GRAMD2B: variants seen among roughly 807,000 people sequenced by gnomAD.
GRAMD2B encodes GRAM domain-containing protein 2B.
A neutral mutation model predicts 59.2 loss-of-function variants in GRAMD2B; 41 were observed. The ratio of observed to expected loss-of-function variants is 0.69; its 90% CI spans 0.54 to 0.90. The LOEUF is 0.90. GRAMD2B is among the 40% of genes least tolerant of loss of function. GRAMD2B has a pLI of 0.00. For missense variants in GRAMD2B, 424 were observed against 500.5 expected (o/e 0.85, Z 1.46); for synonymous variants, 161 against 182.7 (o/e 0.88, Z 0.96).
rs571194652 is a variant in GRAMD2B at position 126,493,095 on chromosome 5, C to G, written c.*139C>G. 1.6e-5 allele frequency: 10 copies of G among 643,416 alleles called. No individual in the cohort carries two copies. In the African/African-American group the frequency reaches 1.8e-4, roughly 12 times the overall value. The allele number at this position is 643,416 out of a possible 1,614,324, so 39.9% of individuals were successfully genotyped here. On this transcript the variant is annotated 3_prime_UTR_variant, in exon 14 of 14. Coordinates refer to ENST00000285689, the MANE Select transcript of GRAMD2B (RefSeq NM_023927.4). ...ATCCAGACATTGCATGTGGAGGTCT[C>G]CAGCTCAGGAAAGTGAGGAGGGAAA...
At chr5:126,465,308 C>T in intron 1 of GRAMD2B, 118 bp from the exon 2 acceptor site, 1 of 1,554,292 alleles carries the variant, frequency 6.4e-7, no homozygotes, top group Non-Finnish European at 8.7e-7. Flanking sequence ...AGTTAACTAG[C>T]CTATCAGTGA....
chr5:126,478,190 G>A (rs895320572), intron 6 of GRAMD2B, among the ~76,000 whole-genome samples: 2 of 150,752 alleles, frequency 1.3e-5, no homozygotes, highest in African/African-American at 4.9e-5. Context: ...CAGCACTTTG[G>A]GAGGCTGAGG....
At chr5:126,410,496 T>G (rs1758686432) in intron 1 of GRAMD2B, among the ~76,000 whole-genome samples, 2 of 152,018 alleles carry the variant, frequency 1.3e-5, no homozygotes, top group Admixed American at 1.3e-4. Context: ...TGTTTGTCTG[T>G]TATTGGTGTA....
intron 1 of GRAMD2B, among the ~76,000 whole-genome samples, chr5:126,398,004 T>C (rs1299276050): frequency 1.3e-5 from 2 of 150,558 alleles, no homozygotes; most frequent in Admixed American, 1.3e-4. Flanking sequence ...TGAATGTTTT[T>C]TCGTTGTTGG....
At chr5:126,368,172 C>T (rs1227794863), upstream of GRAMD2B, among the ~76,000 whole-genome samples, 1 of 151,976 alleles carries the variant, frequency 6.6e-6, no homozygotes, top group East Asian at 1.9e-4. Context: ...GTGCATGTTC[C>T]TTTTATAGTT....
At chr5:126,481,387 A>G (rs1771810884) in intron 8 of GRAMD2B, among the ~76,000 whole-genome samples, 1 of 152,164 alleles carries the variant, frequency 6.6e-6, no homozygotes, top group Non-Finnish European at 1.5e-5. Flanking sequence ...AATGGTTATA[A>G]TGTTTTCCCA....
At chr5:126,390,339 T>G (rs758023225) in intron 1 of GRAMD2B, among the ~76,000 whole-genome samples, 3 of 152,254 alleles carry the variant, frequency 2.0e-5, no homozygotes, top group Admixed American at 6.5e-5. Flanking sequence ...AATAGTTAAC[T>G]GAAATGTCAA....
At chr5:126,482,713 T>C (rs1772119130) in intron 8 of GRAMD2B, among the ~76,000 whole-genome samples, 1 of 152,210 alleles carries the variant, frequency 6.6e-6, no homozygotes, top group South Asian at 2.1e-4. Flanking sequence ...AGGTGAAAGG[T>C]TGGTAATTTG....
chr5:126,400,229 T>C (rs1224252701), intron 1 of GRAMD2B, among the ~76,000 whole-genome samples: 1 of 151,910 alleles, frequency 6.6e-6, no homozygotes, highest in Non-Finnish European at 1.5e-5. Context: ...GAAGAAAAAA[T>C]AGATTTTAAA....
intron 1 of GRAMD2B, among the ~76,000 whole-genome samples, chr5:126,383,399 A>G (rs775694782): frequency 5.3e-5 from 8 of 152,202 alleles, no homozygotes; most frequent in Non-Finnish European, 1.0e-4. Flanking sequence ...CATGGGGCAA[A>G]TTGGGAAGCC....
chr5:126,464,489 G>A (rs1439680360), intron 1 of GRAMD2B, among the ~76,000 whole-genome samples: 1 of 152,024 alleles, frequency 6.6e-6, no homozygotes, highest in Admixed American at 6.6e-5. Context: ...GATCTTCACC[G>A]GCCGACTGAG....
intron 1 of GRAMD2B, among the ~76,000 whole-genome samples, chr5:126,404,904 G>T (rs181919457): frequency 1.4e-4 from 22 of 151,888 alleles, no homozygotes; most frequent in African/African-American, 4.8e-4. Context: ...ACTTTCTACA[G>T]GTCACATCCC....
At chr5:126,409,935 T>TTAAATAGGGAACCCTTTCCCC (rs1554075350) in intron 1 of GRAMD2B, among the ~76,000 whole-genome samples, 1 of 141,456 alleles carries the variant, frequency 7.1e-6, no homozygotes, top group African/African-American at 2.6e-5. Flanking sequence ...GCACCATTTA[T>TTAAATAGGGAACCCTTTCCCC]TAAATAGGGA....
intron 13 of GRAMD2B, 116 bp downstream of exon 13, chr5:126,489,008 T>C (rs1417018845): frequency 1.6e-6 from 1 of 609,314 alleles, no homozygotes; most frequent in Non-Finnish European, 2.9e-6. Flanking sequence ...TAAACCTACA[T>C]GATCAACCCT....
At position 126,394,224 on chromosome 5, in the gene GRAMD2B, G is replaced by A. The variant is rs111913536; in HGVS notation, c.125+22657G>A. ...CGGGAGGCAGAGCTTGCAGTGAGGC[G>A]AGATGGCGCCACTGCAGTCCAGCCC... On this transcript the variant is annotated intron_variant, in intron 1 of 8. Transcript: ENST00000506445. 6.4e-3 allele frequency among the ~76,000 whole-genome samples: 967 copies of A among 151,210 alleles called. 11 individuals carry two copies. The highest frequency in any genetic ancestry group is 0.022 in the African/African-American group (902 of 41,124).
chr5:126,366,377 G>C (rs2149685957), upstream of GRAMD2B, among the ~76,000 whole-genome samples: 1 of 152,262 alleles, frequency 6.6e-6, no homozygotes, highest in South Asian at 2.1e-4. Context: ...ACACACAGCT[G>C]TTGTCCCATT....
chr5:126,447,478 C>A (rs186878040), intron 1 of GRAMD2B, among the ~76,000 whole-genome samples: 3 of 152,038 alleles, frequency 2.0e-5, no homozygotes, highest in African/African-American at 4.8e-5. Flanking sequence ...CTCGATAACA[C>A]GGTGAAACCC....
chr5:126,394,772 TG>T (rs1332892146), intron 1 of GRAMD2B, among the ~76,000 whole-genome samples: 1 of 152,218 alleles, frequency 6.6e-6, no homozygotes, highest in Non-Finnish European at 1.5e-5. Flanking sequence ...AGATAGAAAC[TG>T]TGAAATGTTT....
At chr5:126,465,081 A>C (rs1280075851) in intron 1 of GRAMD2B, 2 of 1,123,784 alleles carry the variant, frequency 1.8e-6, no homozygotes, top group Non-Finnish European at 2.2e-6. Flanking sequence ...GCGTGTGTAC[A>C]TGTGCGTGTG....
Sources: allele counts gnomAD v4.1 joint callset (sites outside exome capture counted in the v4.1 genomes callset), GRCh38; gene constraint gnomAD v4.1.1; transcripts MANE v1.5; gene names NCBI Gene and HGNC (gene_info 2026-07-23, HGNC 2026-07-21).